Variants in NCALD observed in about 807,000 individuals in gnomAD.
NCALD encodes neurocalcin delta.
In NCALD, 10 loss-of-function variants were observed where a neutral mutation model predicts 18.6. The observed-to-expected ratio is 0.54, with a 90% CI of 0.33 to 0.91. The LOEUF (loss-of-function observed/expected upper bound fraction) is 0.91, where lower values mean the gene tolerates loss of function less well. NCALD is among the 40% of genes least tolerant of loss of function. The pLI, the probability that NCALD is intolerant of heterozygous loss-of-function variation, is 0.03. For synonymous variants in NCALD, 88 were observed against 87.4 expected, an observed-to-expected ratio of 1.01 and a Z score of -0.04; for missense variants, 184 against 247.6, an observed-to-expected ratio of 0.74 and a Z score of 1.72.
chr8:101,972,704 G>A (rs1476649023), intron 2 of NCALD, among the ~76,000 whole-genome samples: 4 of 152,122 alleles, frequency 2.6e-5, no homozygotes, highest in Admixed American at 1.3e-4. Flanking sequence ...AATGTCCATC[G>A]TGGGGAAAAC....
At chr8:102,003,637 C>T (rs1821572077) in intron 2 of NCALD, among the ~76,000 whole-genome samples, 1 of 152,210 alleles carries the variant, frequency 6.6e-6, no homozygotes, top group Non-Finnish European at 1.5e-5. Context: ...CAATAAAATA[C>T]TGGCAAACTG....
At chr8:101,701,599 A>AGAGGACTCAGGTCTGGGAAGG in intron 2 of NCALD, among the ~76,000 whole-genome samples, 1 of 152,188 alleles carries the variant, frequency 6.6e-6, no homozygotes, top group Non-Finnish European at 1.5e-5. Context: ...TGTTGGAAAG[A>AGAGGACTCAGGTCTGGGAAGG]GAGGACTCAG....
intron 1 of NCALD, among the ~76,000 whole-genome samples, chr8:102,106,635 G>A (rs1243567578): frequency 6.6e-6 from 1 of 152,098 alleles, no homozygotes; most frequent in Non-Finnish European, 1.5e-5. Context: ...TACAAGGGCT[G>A]ACATGACAGC....
chr8:101,892,674 T>C (rs573306582), intron 3 of NCALD, among the ~76,000 whole-genome samples: 64 of 150,390 alleles, frequency 4.3e-4, no homozygotes, highest in Non-Finnish European at 3.5e-4. Flanking sequence ...TTAAAGGAGC[T>C]GATGAAGCTG....
intron 1 of NCALD, among the ~76,000 whole-genome samples, chr8:102,037,970 C>A (rs914369850): frequency 2.0e-5 from 3 of 152,162 alleles, no homozygotes; most frequent in African/African-American, 7.2e-5. Context: ...AAAAAGCCCA[C>A]CATGTATCCA....
intron 2 of NCALD, among the ~76,000 whole-genome samples, chr8:101,983,125 G>T (rs925834630): frequency 2.3e-4 from 35 of 152,190 alleles, no homozygotes; most frequent in African/African-American, 8.4e-4. Flanking sequence ...ATGAGTCTCA[G>T]AACTGTCCTC....
chr8:101,903,854 G>A (rs938760371), intron 3 of NCALD, among the ~76,000 whole-genome samples: 8 of 152,196 alleles, frequency 5.3e-5, no homozygotes, highest in Admixed American at 6.5e-5. Context: ...GGGTGCCTGG[G>A]GTTAGTGTGT....
chr8:101,837,741 A>G (rs1814471775), intron 4 of NCALD, among the ~76,000 whole-genome samples: 1 of 152,218 alleles, frequency 6.6e-6, no homozygotes, highest in Non-Finnish European at 1.5e-5. Context: ...GACCTTTATT[A>G]AAATCCTGAT....
At chr8:102,004,889 T>A (rs1821637476) in intron 2 of NCALD, among the ~76,000 whole-genome samples, 1 of 152,178 alleles carries the variant, frequency 6.6e-6, no homozygotes, top group African/African-American at 2.4e-5. Flanking sequence ...TCAAGATGGA[T>A]TAAAGATTTA....
At chr8:101,692,672 G>C in intron 3 of NCALD, 119 bp downstream of exon 3, 3 of 1,390,948 alleles carry the variant, frequency 2.2e-6, no homozygotes, top group Non-Finnish European at 2.9e-6. Flanking sequence ...ACCCACCCAG[G>C]AGGCTTGGAG....
chr8:101,988,668 C>T (rs1372745411), intron 2 of NCALD, among the ~76,000 whole-genome samples: 1 of 152,036 alleles, frequency 6.6e-6, no homozygotes, highest in Non-Finnish European at 1.5e-5. Context: ...TGTGACTATC[C>T]ATGGTCTTCC....
chr8:101,939,761 G>T (rs1333414166), intron 2 of NCALD, among the ~76,000 whole-genome samples: 4 of 152,208 alleles, frequency 2.6e-5, no homozygotes, highest in African/African-American at 9.6e-5. Flanking sequence ...TAAGAGAAAT[G>T]AGCATTGCGG....
chr8:101,873,744 A>G (rs1308813375), intron 4 of NCALD, among the ~76,000 whole-genome samples: 1 of 152,184 alleles, frequency 6.6e-6, no homozygotes, highest in Non-Finnish European at 1.5e-5. Context: ...CCCCCATTGC[A>G]AAGCCCTGAG....
At chr8:101,777,480 G>A (rs1811841115) in intron 1 of NCALD, among the ~76,000 whole-genome samples, 1 of 152,188 alleles carries the variant, frequency 6.6e-6, no homozygotes, top group Non-Finnish European at 1.5e-5. Context: ...TTGTGGATCT[G>A]ATGAATGGAA....
chr8:102,109,076 G>A (rs911192184), intron 1 of NCALD, among the ~76,000 whole-genome samples: 1 of 152,070 alleles, frequency 6.6e-6, no homozygotes, highest in African/African-American at 2.4e-5. Flanking sequence ...TTCTCAGACC[G>A]CACACTCCCA....
intron 2 of NCALD, among the ~76,000 whole-genome samples, chr8:101,714,884 C>T (rs535536922): frequency 6.6e-6 from 1 of 150,882 alleles, no homozygotes; most frequent in Admixed American, 6.6e-5. Context: ...GTAGTCCCAG[C>T]TACTCGGGAG....
intron 2 of NCALD, among the ~76,000 whole-genome samples, chr8:101,705,170 TAA>T (rs1424585663): frequency 6.6e-6 from 1 of 151,886 alleles, no homozygotes; most frequent in African/African-American, 2.4e-5. Context: ...GAGGTTGCAG[TAA>T]GCTGAGTGCA....
intron 1 of NCALD, among the ~76,000 whole-genome samples, chr8:101,752,262 T>C (rs924304578): frequency 1.3e-5 from 2 of 152,186 alleles, no homozygotes; most frequent in African/African-American, 4.8e-5. Flanking sequence ...TTATTTCTAA[T>C]AACTGTAAAA....
At chr8:101,782,644 A>G (rs1487908628) in intron 1 of NCALD, among the ~76,000 whole-genome samples, 2 of 152,152 alleles carry the variant, frequency 1.3e-5, no homozygotes, top group African/African-American at 4.8e-5. Context: ...TTCTGTCACT[A>G]GAATGTTCTC....
Sources: gnomAD v4.1 joint callset for allele counts (sites outside exome capture counted in the v4.1 genomes callset) on GRCh38, gnomAD v4.1.1 for gene constraint, MANE v1.5 for transcripts, NCBI Gene and HGNC (gene_info 2026-07-23, HGNC 2026-07-21) for gene names.